The following ANKS1B variants were observed in gnomAD, a reference collection of about 807,000 sequenced individuals.
ANKS1B encodes the protein ankyrin repeat and sterile alpha motif domain containing 1B, also known as ankyrin repeat and sterile alpha motif domain-containing protein 1B.
A neutral mutation model predicts 148.3 loss-of-function variants in ANKS1B; 36 were observed. That is an observed-to-expected ratio of 0.24 (90% CI 0.19 to 0.32). The LOEUF is 0.32. Among genes scored for constraint, ANKS1B ranks in the 10% least tolerant of loss-of-function variants. The probability of loss-of-function intolerance (pLI) is 1.00; values close to 1 mark genes in which losing one functional copy is unlikely to be tolerated. For missense variants in ANKS1B, 1,157 were observed against 1,542.6 expected (o/e 0.75, Z 4.19); for synonymous variants, 542 against 560.8 (o/e 0.97, Z 0.47).
At chr12:99,692,396 C>T (rs1056864188) in intron 8 of ANKS1B, among the ~76,000 whole-genome samples, 7 of 152,056 alleles carry the variant, frequency 4.6e-5, no homozygotes, top group African/African-American at 9.7e-5. Flanking sequence ...TGAGGCCCAG[C>T]GCAGTGGCTC....
intron 12 of ANKS1B, among the ~76,000 whole-genome samples, chr12:99,309,863 T>G (rs557785485): frequency 3.2e-4 from 49 of 152,114 alleles, no homozygotes; most frequent in Non-Finnish European, 6.0e-4. Context: ...GATGTCCTCT[T>G]AAGAACATTA....
intron 17 of ANKS1B, among the ~76,000 whole-genome samples, chr12:98,887,671 G>A (rs888737385): frequency 1.3e-5 from 2 of 151,776 alleles, no homozygotes; most frequent in Non-Finnish European, 2.9e-5. Flanking sequence ...GTAGTGGTGC[G>A]ATCTTGGCTC....
chr12:99,021,581 G>T (rs2099945828), intron 17 of ANKS1B, among the ~76,000 whole-genome samples: 1 of 152,058 alleles, frequency 6.6e-6, no homozygotes, highest in South Asian at 2.1e-4. Flanking sequence ...CCACAATAAG[G>T]TATAAAAGTA....
chr12:99,209,873 A>G (rs555037665), intron 14 of ANKS1B, among the ~76,000 whole-genome samples: 149 of 152,192 alleles, frequency 9.8e-4, no homozygotes, highest in African/African-American at 3.4e-3. Context: ...CAGCCCTCAT[A>G]TAACCTCCCC....
chr12:99,507,485 T>G (rs2096723276), intron 9 of ANKS1B, among the ~76,000 whole-genome samples: 1 of 151,810 alleles, frequency 6.6e-6, no homozygotes, highest in African/African-American at 2.4e-5. Context: ...CTGAGATAAC[T>G]GAGGGTAATA....
chr12:98,882,985 A>G (rs897816655), intron 17 of ANKS1B, among the ~76,000 whole-genome samples: 1 of 152,152 alleles, frequency 6.6e-6, no homozygotes, highest in Non-Finnish European at 1.5e-5. Context: ...TTTTTAAAAG[A>G]CCACTGTTAT....
chr12:99,390,802 A>G (rs906917701), intron 12 of ANKS1B, among the ~76,000 whole-genome samples: 3 of 152,222 alleles, frequency 2.0e-5, no homozygotes, highest in Admixed American at 2.0e-4. Context: ...GGGCCTCAGC[A>G]GGCAGCTGGT....
chr12:98,907,005 CTGTGTGTGTGTGTGTGTG>C lies in ANKS1B; in HGVS notation c.2779-74887_2779-74870del, dbSNP rs59857138. ...CATATCATCCCCTCACATAGTTACT[CTGTGTGTGTGTGTGTGTG>C]TGTGTGTGTGTGTGTGTGTGTGTGT... is the stretch of plus-strand genomic sequence containing the variant. On this transcript the variant is annotated intron_variant, in intron 17 of 26. Transcript: ENST00000683438. Among the ~76,000 whole-genome samples, 349 of 145,744 alleles carry C rather than the reference CTGTGTGTGTGTGTGTGTG, an allele frequency of 2.4e-3. 1 individual carries two copies. The highest frequency in any genetic ancestry group is 8.3e-3 in the African/African-American group (325 of 39,358).
chr12:98,870,994 T>C (rs2099664762), intron 17 of ANKS1B, among the ~76,000 whole-genome samples: 1 of 152,350 alleles, frequency 6.6e-6, no homozygotes, highest in South Asian at 2.1e-4. Context: ...CATTTCTTCC[T>C]TTCTCATCTG....
At chr12:99,106,008 C>T (rs143128814) in intron 15 of ANKS1B, among the ~76,000 whole-genome samples, 2 of 152,218 alleles carry the variant, frequency 1.3e-5, no homozygotes, top group East Asian at 3.9e-4. Flanking sequence ...AGGAATATAG[C>T]TCTGCACAAG....
chr12:98,840,292 C>T (rs1242520567), intron 17 of ANKS1B, among the ~76,000 whole-genome samples: 1 of 152,164 alleles, frequency 6.6e-6, no homozygotes, highest in Non-Finnish European at 1.5e-5. Context: ...TCTGCCACTT[C>T]ATCTAAAAAA....
At chr12:99,358,589 C>T (rs968928679) in intron 12 of ANKS1B, among the ~76,000 whole-genome samples, 2 of 152,036 alleles carry the variant, frequency 1.3e-5, no homozygotes, top group Non-Finnish European at 2.9e-5. Context: ...CTAGACCCTA[C>T]TAGTACCACA....
chr12:98,794,392 C>CAAAAAAAAAAAAAAA (rs571692746), intron 22 of ANKS1B: 1 of 81,770 alleles, frequency 1.2e-5, no homozygotes, highest in African/African-American at 7.0e-5. Context: ...AACTCTGTCT[C>CAAAAAAAAAAAAAAA]AAAAAAAAAA....
intron 15 of ANKS1B, among the ~76,000 whole-genome samples, chr12:99,090,634 C>G (rs1289904295): frequency 6.6e-6 from 1 of 152,050 alleles, no homozygotes; most frequent in Non-Finnish European, 1.5e-5. Context: ...AATATTTAGC[C>G]TTTTATAACA....
chr12:99,426,510 G>T (rs2095257718), intron 11 of ANKS1B, among the ~76,000 whole-genome samples: 1 of 151,972 alleles, frequency 6.6e-6, no homozygotes, highest in Non-Finnish European at 1.5e-5. Context: ...AATTATATCA[G>T]TTATTCCTGT....
intron 8 of ANKS1B, among the ~76,000 whole-genome samples, chr12:99,696,824 C>T (rs887291756): frequency 6.6e-6 from 1 of 152,122 alleles, no homozygotes; most frequent in Non-Finnish European, 1.5e-5. Flanking sequence ...CTTGGCAAAA[C>T]ACATATCTGA....
chr12:98,755,663 C>G (rs1309385518), intron 25 of ANKS1B, among the ~76,000 whole-genome samples: 1 of 152,212 alleles, frequency 6.6e-6, no homozygotes, highest in Non-Finnish European at 1.5e-5. Context: ...AAATCACATG[C>G]AGTAGCATAT....
chr12:99,920,524 T>C (rs757114163), intron 1 of ANKS1B, among the ~76,000 whole-genome samples: 1 of 152,128 alleles, frequency 6.6e-6, no homozygotes, highest in Admixed American at 6.6e-5. Flanking sequence ...TGGAGATTTA[T>C]TGGAGAACTG....
At chr12:99,777,846 A>C (rs1368865172) in intron 6 of ANKS1B, among the ~76,000 whole-genome samples, 4 of 150,872 alleles carry the variant, frequency 2.7e-5, no homozygotes, top group Non-Finnish European at 4.4e-5. Flanking sequence ...AGCCTCCCAA[A>C]GTGCTGGGAT....
Sources: allele counts gnomAD v4.1 joint callset (sites outside exome capture counted in the v4.1 genomes callset), GRCh38; gene constraint gnomAD v4.1.1; transcripts MANE v1.5; gene names NCBI Gene and HGNC (gene_info 2026-07-23, HGNC 2026-07-21).